The following PDE12 variants were observed in gnomAD, a reference collection of about 807,000 sequenced individuals.
The protein encoded by PDE12 is 2',5'-phosphodiesterase 12.
PDE12 carries 26 observed loss-of-function variants against 45.4 expected under a neutral mutation model. The observed-to-expected ratio is 0.57, with a 90% CI of 0.42 to 0.79. The LOEUF is 0.79. Among genes scored for constraint, PDE12 ranks in the 30% least tolerant of loss-of-function variants. The probability of loss-of-function intolerance (pLI) is 0.00; values close to 1 mark genes in which losing one functional copy is unlikely to be tolerated. For synonymous variants in PDE12, 283 were observed against 323.9 expected (o/e 0.87, Z 1.36); for missense variants, 668 against 790.0 (o/e 0.85, Z 1.85).
At chr3:57,582,200 G>T in the PDE12 span, among the ~76,000 whole-genome samples, 66 of 151,994 alleles carry the variant, frequency 4.3e-4, no homozygotes, top group African/African-American at 1.5e-3. Context: ...TCTGTATCAA[G>T]TATCTTTTCT....
At chr3:57,631,076 C>A in the PDE12 span, 2 of 1,049,764 alleles carry the variant, frequency 1.9e-6, no homozygotes, top group Non-Finnish European at 1.4e-6. Context: ...TAATCATATG[C>A]CCTTTCAATG....
At chr3:57,653,942 T>A in the PDE12 span, among the ~76,000 whole-genome samples, 1 of 68,532 alleles carries the variant, frequency 1.5e-5, no homozygotes. Context: ...AGAAATTCAC[T>A]TTTTTTTTTT....
Position 57,564,494 on chromosome 3 carries a change from T to C in PDE12, c.*4490T>C, listed in dbSNP as rs2069759902. 6.6e-6 allele frequency: 1 copy of C among 151,004 alleles called. No homozygotes were observed. The highest frequency in any genetic ancestry group is 1.5e-5 in the Non-Finnish European group (1 of 67,850). 9.4% of individuals were successfully genotyped at this position (151,004 alleles called of 1,614,324 possible). ...CATTTTGCCCAGTAATTCACTTTAATGATGTTATCATGAAGTATTGATGTA... is the reference window on the plus strand; with the variant it reads ...CATTTTGCCCAGTAATTCACTTTAACGATGTTATCATGAAGTATTGATGTA... On this transcript the variant is annotated 3_prime_UTR_variant, in exon 3 of 3. Transcript: ENST00000311180.
chr3:57,575,750 A>T, the PDE12 span: 2 of 1,423,514 alleles, frequency 1.4e-6, no homozygotes, highest in Admixed American at 2.4e-5. Flanking sequence ...TATATACTTT[A>T]CTCAGCATTA....
chr3:57,557,309 T>C lies in PDE12; in HGVS notation c.930T>C (p.Thr310=), dbSNP rs149093630. The change falls in exon 1 of 3, where the codon ACT becomes ACC. Residue 310 remains threonine (T), a synonymous_variant. Coordinates refer to ENST00000311180, the MANE Select transcript of PDE12 (RefSeq NM_177966.7). ...YNILADTYAQ[T]EFSRTVLYPY... Reference sequence around the variant, plus strand: ...TCCTGGCAGACACGTACGCGCAGACTGAGTTCTCGCGAACGGTTCTGTACC... The same window carrying C: ...TCCTGGCAGACACGTACGCGCAGACCGAGTTCTCGCGAACGGTTCTGTACC... The C allele has an allele frequency of 1.9e-6, 3 of 1,613,972 alleles. No homozygotes were observed. Among genetic ancestry groups the C allele is most frequent in the Non-Finnish European group, 2.5e-6 (3 of 1,180,028 alleles).
At chr3:57,624,410 A>G in the PDE12 span, among the ~76,000 whole-genome samples, 2 of 151,958 alleles carry the variant, frequency 1.3e-5, no homozygotes, top group East Asian at 3.9e-4. Context: ...TCAGCCTCCC[A>G]AAGTGCTGGG....
chr3:57,612,898 G>A, the PDE12 span, among the ~76,000 whole-genome samples: 2 of 152,012 alleles, frequency 1.3e-5, no homozygotes, highest in Non-Finnish European at 1.5e-5. Context: ...CTATAATTAC[G>A]TTAATGAAAT....
the PDE12 span, among the ~76,000 whole-genome samples, chr3:57,639,331 G>T: frequency 3.2e-3 from 481 of 152,250 alleles, 2 homozygotes; most frequent in African/African-American, 0.011. Context: ...AAACTGATGG[G>T]CCACTTTGGC....
the PDE12 span, among the ~76,000 whole-genome samples, chr3:57,603,562 C>T: frequency 1.3e-5 from 2 of 151,438 alleles, no homozygotes; most frequent in African/African-American, 4.9e-5. Context: ...GTCTTGAACT[C>T]CTGGCCTCAA....
At chr3:57,587,319 C>CAAAAAAAAAAAAAAAAAAAAAAAAAAAA in the PDE12 span, among the ~76,000 whole-genome samples, 1 of 45,406 alleles carries the variant, frequency 2.2e-5, no homozygotes, top group African/African-American at 7.7e-5. Flanking sequence ...AACTCAGTCT[C>CAAAAAAAAAAAAAAAAAAAAAAAAAAAA]AAAAAAAAAA....
the PDE12 span, among the ~76,000 whole-genome samples, chr3:57,603,699 C>T: frequency 2.0e-5 from 3 of 151,400 alleles, no homozygotes; most frequent in South Asian, 2.1e-4. Flanking sequence ...CTCAGCTCAC[C>T]ACCACCCCCG....
chr3:57,583,693 C>T, the PDE12 span, among the ~76,000 whole-genome samples: 1 of 152,274 alleles, frequency 6.6e-6, no homozygotes, highest in East Asian at 1.9e-4. Context: ...CAAACACTTA[C>T]CGCAATTGCT....
the PDE12 span, among the ~76,000 whole-genome samples, chr3:57,619,769 A>C: frequency 4.0e-5 from 6 of 150,816 alleles, no homozygotes; most frequent in East Asian, 1.0e-3. Flanking sequence ...ACAGTTGCTT[A>C]AACCCGGGAG....
At chr3:57,599,897 T>G in the PDE12 span, among the ~76,000 whole-genome samples, 1 of 151,542 alleles carries the variant, frequency 6.6e-6, no homozygotes, top group East Asian at 1.9e-4. Context: ...TCTGGCTATG[T>G]TGCCCAGGCC....
At chr3:57,646,108 T>TC in the PDE12 span, among the ~76,000 whole-genome samples, 1 of 152,202 alleles carries the variant, frequency 6.6e-6, no homozygotes, top group South Asian at 2.1e-4. Context: ...AAGGCATGGT[T>TC]CCAGCCCTCA....
the PDE12 span, among the ~76,000 whole-genome samples, chr3:57,624,470 T>G: frequency 6.6e-6 from 1 of 152,070 alleles, no homozygotes; most frequent in Non-Finnish European, 1.5e-5. Flanking sequence ...TTAAAAAACT[T>G]TTTTTAGAGA....
the PDE12 span, chr3:57,631,284 C>T: frequency 4.4e-6 from 1 of 225,416 alleles, no homozygotes; most frequent in Non-Finnish European, 8.6e-6. Flanking sequence ...ACAACCTCTG[C>T]CCCCCGGGTT....
At chr3:57,615,062 G>A in the PDE12 span, among the ~76,000 whole-genome samples, 1 of 150,392 alleles carries the variant, frequency 6.6e-6, no homozygotes, top group Non-Finnish European at 1.5e-5. Context: ...ACAGGCACCC[G>A]CCACTGCACC....
chr3:57,607,037 C>A, the PDE12 span, among the ~76,000 whole-genome samples: 2 of 152,168 alleles, frequency 1.3e-5, no homozygotes, highest in Non-Finnish European at 2.9e-5. Flanking sequence ...GGGTACCCCT[C>A]TGAGACGAAG....
Sources: gnomAD v4.1 joint callset for allele counts (sites outside exome capture counted in the v4.1 genomes callset) on GRCh38, gnomAD v4.1.1 for gene constraint, MANE v1.5 for transcripts, NCBI Gene and HGNC (gene_info 2026-07-23, HGNC 2026-07-21) for gene names.